MID1: variants seen among roughly 807,000 people sequenced by gnomAD.
MID1 encodes the protein E3 ubiquitin-protein ligase Midline-1.
MID1 carries 7 observed loss-of-function variants against 40.4 expected under a neutral mutation model. That is an observed-to-expected ratio of 0.17 (90% CI 0.10 to 0.33). The LOEUF is 0.33. Ranked by LOEUF, MID1 falls within the 10% of genes least tolerant of loss-of-function variation. The pLI is 1.00. For missense variants in MID1, 367 were observed against 558.5 expected (o/e 0.66, Z 3.46); for synonymous variants, 229 against 221.2 (o/e 1.04, Z -0.31).
At chrX:10,498,966 G>A (rs1350311185) in intron 3 of MID1, among the ~76,000 whole-genome samples, 1 of 111,622 alleles carries the variant, frequency 9.0e-6, no homozygotes, top group Non-Finnish European at 1.9e-5. Context: ...TTTGATATAG[G>A]GGTGGAATTG....
At chrX:10,831,723 T>C (rs2044254289) in intron 1 of MID1, among the ~76,000 whole-genome samples, 1 of 111,927 alleles carries the variant, frequency 8.9e-6, no homozygotes, top group South Asian at 3.8e-4. Flanking sequence ...GTAATTCATA[T>C]GCCACTGGCA....
At chrX:10,794,161 T>C (rs766621020) in intron 1 of MID1, among the ~76,000 whole-genome samples, 38 of 112,057 alleles carry the variant, frequency 3.4e-4, no homozygotes, top group Non-Finnish European at 6.2e-4. Context: ...TGATGAAAGA[T>C]ATAAATCCCA....
intron 7 of MID1, among the ~76,000 whole-genome samples, chrX:10,462,225 T>C (rs781154342): frequency 8.9e-6 from 1 of 112,153 alleles, no homozygotes; most frequent in South Asian, 3.7e-4. Flanking sequence ...ACTGTTTAGG[T>C]TTACCTTTAT....
intron 1 of MID1, among the ~76,000 whole-genome samples, chrX:10,613,732 T>TAGAGAGAGAGAG (rs1163813461): frequency 1.3e-3 from 23 of 17,476 alleles, no homozygotes; most frequent in Non-Finnish European, 1.7e-3. Context: ...TATATATATA[T>TAGAGAGAGAGAG]AGAGAGAGAG....
At chrX:10,510,213 T>C (rs1932045290) in intron 3 of MID1, among the ~76,000 whole-genome samples, 1 of 111,802 alleles carries the variant, frequency 8.9e-6, no homozygotes, top group South Asian at 3.8e-4. Flanking sequence ...TAAATTGCGG[T>C]AAAATTTACA....
At chrX:10,533,625 C>T (rs1248397346) in intron 2 of MID1, among the ~76,000 whole-genome samples, 1 of 111,458 alleles carries the variant, frequency 9.0e-6, no homozygotes, top group Non-Finnish European at 1.9e-5. Flanking sequence ...CCTCAAATTC[C>T]AATCCTTCAG....
intron 1 of MID1, among the ~76,000 whole-genome samples, chrX:10,725,027 A>T (rs2043380542): frequency 8.9e-6 from 1 of 112,200 alleles, no homozygotes; most frequent in South Asian, 3.7e-4. Context: ...CCTTATAGTT[A>T]TTAGTTCAGA....
intron 2 of MID1, among the ~76,000 whole-genome samples, chrX:10,533,289 C>T (rs748833965): frequency 2.7e-4 from 26 of 95,449 alleles, no homozygotes; most frequent in African/African-American, 9.7e-4. Flanking sequence ...TAAAAAACAA[C>T]CTTCTCTTTT....
At chrX:10,714,456 G>A (rs187679642) in intron 1 of MID1, among the ~76,000 whole-genome samples, 34 of 112,389 alleles carry the variant, frequency 3.0e-4, no homozygotes, top group African/African-American at 7.8e-4. Flanking sequence ...ACTGTGGCCT[G>A]TGTGCCAAAA....
At chrX:10,644,183 A>T (rs745538637) in intron 1 of MID1, among the ~76,000 whole-genome samples, 1 of 111,994 alleles carries the variant, frequency 8.9e-6, no homozygotes, top group East Asian at 2.8e-4. Context: ...GTAGGTTATT[A>T]ATCACTGTTG....
At chrX:10,506,963 G>A (rs1931872003) in intron 3 of MID1, among the ~76,000 whole-genome samples, 1 of 111,637 alleles carries the variant, frequency 9.0e-6, no homozygotes, top group Non-Finnish European at 1.9e-5. Flanking sequence ...GACATCTAGC[G>A]TGTCAGACCA....
In MID1 at chrX:10,805,037, C is replaced by T. The variant is rs1390482476; in HGVS notation, c.-187+28517G>A. On this transcript the variant is annotated intron_variant, in intron 1 of 10. Transcript: ENST00000380785. ...TTGGGATCCCACTGAAATTAGGCTC[C>T]CAGTAGTTTTTTTTTGTTGTTGTTG... 1.8e-5 allele frequency among the ~76,000 whole-genome samples: 2 copies of T among 110,069 alleles called. 1 individual carries two copies. The highest frequency in any genetic ancestry group is 3.8e-5 in the Non-Finnish European group (2 of 52,699).
At chrX:10,583,771 G>A (rs187261670) in intron 1 of MID1, among the ~76,000 whole-genome samples, 115 of 111,676 alleles carry the variant, frequency 1.0e-3, no homozygotes, top group Non-Finnish European at 1.9e-3. Context: ...GGTGGCTCAC[G>A]CCTGTAAACC....
intron 1 of MID1, among the ~76,000 whole-genome samples, chrX:10,678,763 T>G (rs1470672946): frequency 8.9e-6 from 1 of 112,041 alleles, no homozygotes; most frequent in Non-Finnish European, 1.9e-5. Context: ...TAATTAGTCT[T>G]TAAATGCATG....
intron 1 of MID1, among the ~76,000 whole-genome samples, chrX:10,762,677 C>A (rs1260600499): frequency 1.8e-5 from 2 of 110,897 alleles, no homozygotes; most frequent in Admixed American, 9.6e-5. Flanking sequence ...TCAAGCGATC[C>A]GCCCGCCTTG....
intron 1 of MID1, among the ~76,000 whole-genome samples, chrX:10,628,399 G>A (rs1936017411): frequency 9.0e-6 from 1 of 111,120 alleles, no homozygotes; most frequent in Admixed American, 9.6e-5. Flanking sequence ...AAAAGGAAGG[G>A]CTTATATTGC....
At chrX:10,725,342 G>A (rs1228336209) in intron 1 of MID1, among the ~76,000 whole-genome samples, 3 of 111,023 alleles carry the variant, frequency 2.7e-5, no homozygotes, top group Non-Finnish European at 5.7e-5. Context: ...TAAAAGATTC[G>A]GTTTTGATGA....
chrX:10,625,784 G>A (rs766031703), intron 1 of MID1, among the ~76,000 whole-genome samples: 1 of 111,837 alleles, frequency 8.9e-6, no homozygotes, highest in East Asian at 2.8e-4. Context: ...TCTTTCTTTG[G>A]AAACCACTCA....
At chrX:10,561,811 G>T (rs1230102038) in intron 2 of MID1, among the ~76,000 whole-genome samples, 2 of 107,058 alleles carry the variant, frequency 1.9e-5, no homozygotes, top group Non-Finnish European at 3.8e-5. Context: ...AGACAGTGTG[G>T]CAATTCCTCA....
Sources: gnomAD v4.1 joint callset for allele counts (sites outside exome capture counted in the v4.1 genomes callset) on GRCh38, gnomAD v4.1.1 for gene constraint, MANE v1.5 for transcripts, NCBI Gene and HGNC (gene_info 2026-07-23, HGNC 2026-07-21) for gene names.